ANKRD31: variants seen among roughly 807,000 people sequenced by gnomAD.
ANKRD31 encodes the protein ankyrin repeat domain-containing protein 31.
In ANKRD31, 147 loss-of-function variants were observed where a neutral mutation model predicts 186.0. The ratio of observed to expected loss-of-function variants is 0.79; its 90% confidence interval spans 0.69 to 0.91. The LOEUF is 0.91. Among genes scored for constraint, ANKRD31 ranks in the 40% least tolerant of loss-of-function variants. ANKRD31 has a pLI of 0.00. For synonymous variants in ANKRD31, 673 were observed against 736.4 expected (o/e 0.91, Z 1.39); for missense variants, 1,986 against 2,148.8 (o/e 0.92, Z 1.50).
At chr5:75,148,660 A>G (rs371854864) in intron 12 of ANKRD31, 32 bp from the exon 13 acceptor site, 1 of 1,497,972 alleles carries the variant, frequency 6.7e-7, no homozygotes, top group Non-Finnish European at 8.9e-7. Context: ...CAATGAAAAC[A>G]GCTTCTAGTG....
intron 3 of ANKRD31, among the ~76,000 whole-genome samples, chr5:75,214,337 G>A (rs1006119976): frequency 1.3e-5 from 2 of 152,168 alleles, no homozygotes; most frequent in East Asian, 3.8e-4. Context: ...TGCAACTTCT[G>A]AACAGAGACA....
intron 22 of ANKRD31, among the ~76,000 whole-genome samples, chr5:75,097,984 T>C (rs145703747): frequency 1.3e-5 from 2 of 152,244 alleles, no homozygotes; most frequent in East Asian, 3.9e-4. Context: ...GTGGTATTAT[T>C]TCTGAGGGCT....
intron 20 of ANKRD31, among the ~76,000 whole-genome samples, chr5:75,108,959 A>G (rs1258275753): frequency 1.3e-5 from 2 of 152,198 alleles, no homozygotes; most frequent in African/African-American, 4.8e-5. Flanking sequence ...TTCTCTAAGA[A>G]ACAACAGAAA....
At chr5:75,223,127 A>G (rs1757406769) in intron 2 of ANKRD31, among the ~76,000 whole-genome samples, 1 of 152,136 alleles carries the variant, frequency 6.6e-6, no homozygotes, top group Admixed American at 6.5e-5. Flanking sequence ...CTTTTTAATA[A>G]TCACCATTCT....
intron 10 of ANKRD31, among the ~76,000 whole-genome samples, chr5:75,183,245 G>A (rs774434085): frequency 4.6e-5 from 7 of 152,152 alleles, no homozygotes; most frequent in African/African-American, 9.7e-5. Context: ...ATTAGGTACA[G>A]TAGGTATGTA....
intron 17 of ANKRD31, among the ~76,000 whole-genome samples, chr5:75,129,036 G>A (rs567268900): frequency 6.6e-6 from 1 of 152,176 alleles, no homozygotes. Context: ...AGTGTTGGAG[G>A]TGGGGTCTGG....
chr5:75,127,575 G>A (rs895559807), intron 17 of ANKRD31, among the ~76,000 whole-genome samples: 18 of 152,186 alleles, frequency 1.2e-4, no homozygotes, highest in Admixed American at 2.6e-4. Context: ...AATATAAATC[G>A]TCCAACATTA....
chr5:75,105,364 A>AT lies in ANKRD31; in HGVS notation c.4341-147dup, dbSNP rs1328835251. On this transcript the variant is annotated intron_variant, in intron 21 of 25. Coordinates refer to ENST00000506364, the MANE Select transcript of ANKRD31 (RefSeq NM_001372053.1). ...ATGCCTGTGCAATTTACTGCCTTTG[A>AT]TTTTTTTAATCTGACCACCTGCAGC... The AT allele has an allele frequency of 6.8e-6, 6 of 879,822 alleles. No individual in the cohort carries two copies. In the East Asian group the frequency reaches 1.2e-4, roughly 18 times the overall value. The allele number at this position is 879,822 out of a possible 1,614,324, so 54.5% of individuals were successfully genotyped here.
In ANKRD31 at chr5:75,137,965, C is replaced by A; in HGVS notation, c.3767G>T (p.Gly1256Val). ...TAACTCTACAATTATATCAATAGATCCTTCATTAGATGCCTCATGAAGTGG... is the reference window on the plus strand; with the variant it reads ...TAACTCTACAATTATATCAATAGATACTTCATTAGATGCCTCATGAAGTGG... ...WTPLHEASNE[G>V]SIDIIVELLK... Residue 1256 changes from glycine to valine, a missense_variant, in exon 17 of 26, where the codon GGA (glycine) becomes GTA (valine). Coordinates refer to ENST00000506364, the MANE Select transcript of ANKRD31 (RefSeq NM_001372053.1). 1 of 1,524,298 alleles carries A rather than the reference C, an allele frequency of 6.6e-7. No individual in the cohort carries two copies. The highest frequency in any genetic ancestry group is 2.5e-5 in the East Asian group (1 of 40,688). The allele number at this position is 1,524,298 out of a possible 1,614,324, so 94.4% of individuals were successfully genotyped here.
At chr5:75,135,009 A>G (rs998023156) in intron 17 of ANKRD31, among the ~76,000 whole-genome samples, 22 of 152,192 alleles carry the variant, frequency 1.4e-4, no homozygotes, top group African/African-American at 4.6e-4. Context: ...TATTGATGGG[A>G]CGTATCTCAA....
intron 22 of ANKRD31, among the ~76,000 whole-genome samples, chr5:75,092,879 A>G (rs1297855924): frequency 6.6e-6 from 1 of 152,220 alleles, no homozygotes; most frequent in Admixed American, 6.5e-5. Context: ...TGACAAGGTC[A>G]CATCAAATAC....
rs550567797 is a variant in ANKRD31, at chr5:75,147,093, T to C, written c.2318A>G (p.His773Arg). Residue 773 changes from histidine to arginine, a missense_variant, in exon 14 of 26, where the codon CAT (histidine) becomes CGT (arginine). Physicochemically the swap from His to Arg is conservative, Grantham distance 29. Transcript: ENST00000506364. ...VTYQQHIPET[H>R]NDLPEELCEP... is the part of the protein sequence containing the mutation. ...ACACAATTCTTCTGGAAGGTCATTA[T>C]GAGTTTCTGGAATATGCTGCTGATA... 2.0e-6 allele frequency: 3 copies of C among 1,536,208 alleles called. No homozygotes were observed. The highest frequency in any genetic ancestry group is 2.7e-5 in the African/African-American group (2 of 72,990).
intron 10 of ANKRD31, among the ~76,000 whole-genome samples, chr5:75,187,004 TGTGTGTATGAGACACAGA>T (rs1754760941): frequency 6.7e-6 from 1 of 149,042 alleles, no homozygotes; most frequent in African/African-American, 2.6e-5. Flanking sequence ...AGTGAGTGTG[TGTGTGTATGAGACACAGA>T]GTGTGTGTGT....
At chr5:75,102,823 C>T (rs959649487) in intron 22 of ANKRD31, among the ~76,000 whole-genome samples, 5 of 152,132 alleles carry the variant, frequency 3.3e-5, no homozygotes, top group African/African-American at 9.7e-5. Flanking sequence ...TTCCAGGTAC[C>T]TTCTGCCATG....
chr5:75,172,321 A>C (rs1753391027), intron 10 of ANKRD31, among the ~76,000 whole-genome samples: 1 of 151,758 alleles, frequency 6.6e-6, no homozygotes, highest in South Asian at 2.1e-4. Context: ...TCATATCAAT[A>C]GATGTATGAA....
At chr5:75,197,650 T>A (rs1755558534) in intron 6 of ANKRD31, among the ~76,000 whole-genome samples, 1 of 152,204 alleles carries the variant, frequency 6.6e-6, no homozygotes, top group Admixed American at 6.6e-5. Flanking sequence ...ACTCACTCTC[T>A]AAGTCTCAGT....
intron 8 of ANKRD31, 128 bp from the exon 9 acceptor site, chr5:75,192,904 G>A (rs1407428320): frequency 1.4e-6 from 1 of 729,554 alleles, no homozygotes; most frequent in Non-Finnish European, 2.1e-6. Context: ...CAAGTGGCGT[G>A]GCAGTTTTAA....
chr5:75,102,003 G>T (rs541808503), intron 22 of ANKRD31, among the ~76,000 whole-genome samples: 51 of 152,196 alleles, frequency 3.4e-4, no homozygotes, highest in Non-Finnish European at 4.9e-4. Flanking sequence ...AGGAGAAGAG[G>T]TGCTCTGATT....
intron 6 of ANKRD31, 134 bp from the exon 7 acceptor site, chr5:75,196,334 C>G (rs1424766471): frequency 7.4e-6 from 5 of 677,472 alleles, no homozygotes; most frequent in Non-Finnish European, 1.1e-5. Context: ...CCTTCCCTTC[C>G]ATAAATAAAG....
Sources: allele counts gnomAD v4.1 joint callset (sites outside exome capture counted in the v4.1 genomes callset), GRCh38; gene constraint gnomAD v4.1.1; transcripts MANE v1.5; gene names NCBI Gene and HGNC (gene_info 2026-07-23, HGNC 2026-07-21).